CALN1: variants seen among roughly 807,000 people sequenced by gnomAD.
CALN1 encodes the protein calcium-binding protein 8.
CALN1 carries 17 observed loss-of-function variants against 30.6 expected under a neutral mutation model. The observed-to-expected ratio is 0.56, with a 90% CI of 0.38 to 0.83. The LOEUF (loss-of-function observed/expected upper bound fraction) is 0.83. Ranked by LOEUF, CALN1 falls within the 40% of genes least tolerant of loss-of-function variation. The pLI is 0.00. For synonymous variants in CALN1, 156 were observed against 131.4 expected (o/e 1.19, Z -1.28); for missense variants, 291 against 354.9 (o/e 0.82, Z 1.45).
intron 3 of CALN1, among the ~76,000 whole-genome samples, chr7:72,170,403 T>A (rs985443079): frequency 9.9e-5 from 15 of 152,206 alleles, no homozygotes; most frequent in African/African-American, 3.6e-4. Context: ...CATTCAGTCT[T>A]CGATCGTGAC....
intron 2 of CALN1, among the ~76,000 whole-genome samples, chr7:72,390,533 G>T (rs937442033): frequency 1.3e-5 from 2 of 152,166 alleles, no homozygotes; most frequent in East Asian, 3.9e-4. Flanking sequence ...TAGAATTCAA[G>T]AGGTCCACAA....
chr7:72,161,866 C>A (rs560858415), intron 3 of CALN1, among the ~76,000 whole-genome samples: 1 of 151,920 alleles, frequency 6.6e-6, no homozygotes, highest in African/African-American at 2.4e-5. Flanking sequence ...CACATGCTCA[C>A]CTACGTAACA....
chr7:72,290,028 T>C (rs533745096), intron 2 of CALN1, among the ~76,000 whole-genome samples: 33 of 129,846 alleles, frequency 2.5e-4, no homozygotes, highest in Non-Finnish European at 3.5e-4. Flanking sequence ...CAGTGAGCTA[T>C]GATTAAACCC....
chr7:72,213,532 T>C (rs748889665), intron 3 of CALN1, among the ~76,000 whole-genome samples: 43 of 152,196 alleles, frequency 2.8e-4, no homozygotes, highest in African/African-American at 6.8e-4. Flanking sequence ...GGGATGCGCA[T>C]TGCTGTAGAT....
intron 2 of CALN1, among the ~76,000 whole-genome samples, chr7:72,383,213 G>C (rs1433889735): frequency 6.6e-6 from 1 of 152,124 alleles, no homozygotes; most frequent in African/African-American, 2.4e-5. Flanking sequence ...GAATAATGCT[G>C]CAATGAACGT....
At chr7:71,871,907 G>C (rs1287887262) in intron 5 of CALN1, among the ~76,000 whole-genome samples, 2 of 151,928 alleles carry the variant, frequency 1.3e-5, no homozygotes, top group East Asian at 1.9e-4. Context: ...CTTCCACCAT[G>C]GTCTCGATCA....
intron 3 of CALN1, among the ~76,000 whole-genome samples, chr7:72,214,236 T>C (rs1277452948): frequency 6.6e-6 from 1 of 152,188 alleles, no homozygotes; most frequent in Non-Finnish European, 1.5e-5. Context: ...TCCCAGCACT[T>C]TGGGAGGCCT....
At chr7:72,359,975 T>TAAAAAAAAAAAAA (rs1562920650) in intron 2 of CALN1, among the ~76,000 whole-genome samples, 1 of 21,246 alleles carries the variant, frequency 4.7e-5, no homozygotes, top group African/African-American at 3.3e-4. Context: ...AGACTCCATC[T>TAAAAAAAAAAAAA]CAAAAAAAAA....
chr7:72,021,228 T>C (rs1471019576), intron 5 of CALN1, among the ~76,000 whole-genome samples: 2 of 151,980 alleles, frequency 1.3e-5, no homozygotes, highest in Non-Finnish European at 2.9e-5. Context: ...TGAGCTATGG[T>C]TGCATCACTA....
At chr7:72,479,046 T>C in the CALN1 span, among the ~76,000 whole-genome samples, 1 of 151,974 alleles carries the variant, frequency 6.6e-6, no homozygotes. Flanking sequence ...CACACTTGAC[T>C]AATTTTTGTA....
At chr7:72,246,178 A>G (rs1795146913) in intron 3 of CALN1, among the ~76,000 whole-genome samples, 1 of 152,136 alleles carries the variant, frequency 6.6e-6, no homozygotes, top group African/African-American at 2.4e-5. Flanking sequence ...TCCTTATGCA[A>G]TGGGACCTCT....
chr7:72,368,546 A>T (rs763019781), intron 2 of CALN1, among the ~76,000 whole-genome samples: 5 of 152,128 alleles, frequency 3.3e-5, no homozygotes, highest in Admixed American at 6.6e-5. Context: ...TGTCTACTGA[A>T]CATTCAACTC....
At chr7:71,887,143 G>T (rs1792959294) in intron 5 of CALN1, among the ~76,000 whole-genome samples, 1 of 152,120 alleles carries the variant, frequency 6.6e-6, no homozygotes, top group South Asian at 2.1e-4. Flanking sequence ...CGGTAGGGGT[G>T]GGGGTGTCAG....
chr7:72,423,385 A>AT (rs2129563739), intron 1 of CALN1, among the ~76,000 whole-genome samples: 1 of 152,230 alleles, frequency 6.6e-6, no homozygotes, highest in East Asian at 1.9e-4. Context: ...GCCTAGCCCC[A>AT]GGGCAGGGAC....
At chr7:72,334,544 A>G (rs1454884113) in intron 2 of CALN1, among the ~76,000 whole-genome samples, 3 of 151,486 alleles carry the variant, frequency 2.0e-5, no homozygotes, top group Admixed American at 1.3e-4. Context: ...CTTACAGAGG[A>G]AAGGGCATCA....
intron 2 of CALN1, among the ~76,000 whole-genome samples, chr7:72,397,229 G>A (rs73702931): frequency 0.017 from 2,596 of 152,116 alleles, 74 homozygotes; most frequent in African/African-American, 0.058. Flanking sequence ...ATTTTACCCC[G>A]GAGCACTCCA....
intron 2 of CALN1, among the ~76,000 whole-genome samples, chr7:72,371,206 A>G (rs1395706254): frequency 6.6e-6 from 1 of 152,146 alleles, no homozygotes; most frequent in Non-Finnish European, 1.5e-5. Context: ...AATTTTTATG[A>G]TATCATGCTT....
At chr7:71,905,221 G>C (rs1794065617) in intron 5 of CALN1, among the ~76,000 whole-genome samples, 1 of 152,152 alleles carries the variant, frequency 6.6e-6, no homozygotes, top group Admixed American at 6.5e-5. Context: ...TTACAGGTGT[G>C]AGCCATCGTG....
At chr7:71,889,895 G>A (rs940025105) in intron 5 of CALN1, among the ~76,000 whole-genome samples, 3 of 151,790 alleles carry the variant, frequency 2.0e-5, no homozygotes, top group African/African-American at 7.3e-5. Flanking sequence ...AACCTGGGAG[G>A]CAGAGGGTGC....
Sources: allele counts gnomAD v4.1 joint callset (sites outside exome capture counted in the v4.1 genomes callset), GRCh38; gene constraint gnomAD v4.1.1; transcripts MANE v1.5; gene names NCBI Gene and HGNC (gene_info 2026-07-23, HGNC 2026-07-21).